COL20A1: variants seen among roughly 807,000 people sequenced by gnomAD.
COL20A1 encodes collagen alpha-1(XX) chain.
A neutral mutation model predicts 152.9 loss-of-function variants in COL20A1; 164 were observed. That is an observed-to-expected ratio of 1.07 (90% confidence interval 0.94 to 1.22). The LOEUF (loss-of-function observed/expected upper bound fraction) is 1.22. Ranked by LOEUF, COL20A1 falls within the 50% of genes most tolerant of loss-of-function variation. The pLI is 0.00. For missense variants in COL20A1, 1,873 were observed against 1,744.8 expected (o/e 1.07, Z -1.31); for synonymous variants, 864 against 756.0 (o/e 1.14, Z -2.34).
In COL20A1 at chr20:63,315,452, T is replaced by C; in HGVS notation, c.2524+13T>C. ...GGCTCCCTCCCAGGTGGGTCCTGCA[T>C]GCCCTCCCCTGCCTGCCCACCCACA... On this transcript the variant is annotated intron_variant, in intron 20 of 35. Coordinates refer to ENST00000358894, the MANE Select transcript of COL20A1 (RefSeq NM_020882.4). 1 of 1,561,716 alleles carries C rather than the reference T, an allele frequency of 6.4e-7. No homozygotes were observed. Among genetic ancestry groups the C allele is most frequent in the Non-Finnish European group, 8.6e-7 (1 of 1,158,102 alleles).
At chr20:63,317,459 G>T (rs1017091881) in intron 21 of COL20A1, among the ~76,000 whole-genome samples, 10 of 131,098 alleles carry the variant, frequency 7.6e-5, no homozygotes, top group Admixed American at 3.4e-4. Context: ...GCAATACTCC[G>T]TCCCTTAAAA....
At chr20:63,330,375 G>C (rs571357691) in intron 35 of COL20A1, among the ~76,000 whole-genome samples, 1 of 152,280 alleles carries the variant, frequency 6.6e-6, no homozygotes, top group Admixed American at 6.5e-5. Flanking sequence ...GGCTAGGAGG[G>C]CTGAGGAGCA....
chr20:63,325,260 T>C (rs896497761), intron 27 of COL20A1, 181 bp from the exon 28 acceptor site: 2 of 708,576 alleles, frequency 2.8e-6, no homozygotes, highest in Admixed American at 4.0e-5. Context: ...CCGCTGCCTG[T>C]GTCTCCAGGG....
At position 63,307,581 on chromosome 20, in the gene COL20A1, G is replaced by A; in HGVS notation, c.588G>A (p.Gln196=). ...GGAGCATTGGCCACAGTCACTTCCA[G>A]CAGGTCAAGGACTTCCTGGCCAGTG... The part of the protein sequence containing the change: ...GSWSIGHSHF[Q]QVKDFLASVI... The change falls in exon 6 of 36, where the codon CAG becomes CAA. Residue 196 remains glutamine (Q), a synonymous_variant. Transcript: ENST00000358894. 6.2e-7 allele frequency: 1 copy of A among 1,612,714 alleles called. No homozygotes were observed. Among genetic ancestry groups the A allele is most frequent in the African/African-American group, 1.3e-5 (1 of 75,054 alleles).
chr20:63,294,304 C>T (rs933962357), intron 1 of COL20A1, among the ~76,000 whole-genome samples: 1 of 151,240 alleles, frequency 6.6e-6, no homozygotes, highest in African/African-American at 2.4e-5. Flanking sequence ...GGCCTGGCAG[C>T]TGACATGCTC....
intron 3 of COL20A1, 122 bp downstream of exon 3, chr20:63,298,142 A>C: frequency 1.6e-6 from 1 of 640,396 alleles, no homozygotes; most frequent in East Asian, 2.7e-5. Flanking sequence ...TAGTGTCAGC[A>C]CCTCTCTGGC....
rs1269341618 is a variant in COL20A1 at position 63,331,112 on chromosome 20, TCAA to T, written c.*402_*404del. 6.6e-6 allele frequency: 1 copy of T among 152,216 alleles called. No homozygotes were observed. The highest frequency in any genetic ancestry group is 1.5e-5 in the Non-Finnish European group (1 of 68,092). The allele number at this position is 152,216 out of a possible 1,614,324, so 9.4% of individuals were successfully genotyped here. A position where few individuals can be genotyped will look rare whatever the true frequency, so the allele number is the denominator to read the frequency against. The stretch of plus-strand genomic sequence containing the variant: ...CCGTCTCAGTAGCTCTAAAACAGGC[TCAA>T]CAACATGCCCCGCCCCTTTCTCTGG... On this transcript the variant is annotated 3_prime_UTR_variant, in exon 36 of 36. Transcript: ENST00000358894.
chr20:63,309,349 T>G lies in COL20A1; in HGVS notation c.957T>G (p.Asp319Glu). The change falls in exon 9 of 36, where the codon GAT (aspartate) becomes GAG (glutamate). Residue 319 changes from aspartate (D) to glutamate (E), a missense_variant. Asp to Glu is a conservative substitution (Grantham distance 45). Coordinates refer to ENST00000358894, the MANE Select transcript of COL20A1 (RefSeq NM_020882.4). ...CACGAGCAGGTGTGAAGAACGCCGA[T>G]GAGGCTGAGCTGAGGCTCCTGGCGT... ...NVFAVGVKNADEAELRLLASP... is the reference protein window; with the variant it reads ...NVFAVGVKNAEEAELRLLASP... The G allele has an allele frequency of 6.7e-7, 1 of 1,503,364 alleles. No homozygotes were observed. Among genetic ancestry groups the G allele is most frequent in the Non-Finnish European group, 8.9e-7 (1 of 1,119,372 alleles). 93.1% of individuals were successfully genotyped at this position (1,503,364 alleles called of 1,614,324 possible).
At chr20:63,301,190 C>G (rs2067859206) in intron 3 of COL20A1, among the ~76,000 whole-genome samples, 1 of 152,190 alleles carries the variant, frequency 6.6e-6, no homozygotes, top group African/African-American at 2.4e-5. Flanking sequence ...TGGCACACAC[C>G]TGTAATCCCA....
At chr20:63,296,242 G>T (rs375256588) in intron 2 of COL20A1, among the ~76,000 whole-genome samples, 1 of 152,294 alleles carries the variant, frequency 6.6e-6, no homozygotes, top group South Asian at 2.1e-4. Context: ...CTGCCCTGGG[G>T]CCAGTGGGGG....
chr20:63,310,309 C>T (rs949013909), intron 10 of COL20A1, 72 bp from the exon 11 acceptor site: 22 of 1,540,282 alleles, frequency 1.4e-5, no homozygotes, highest in African/African-American at 2.7e-5. Context: ...CTCCAGCTGA[C>T]GGAGTTCCTG....
chr20:63,308,425 C>T (rs755757753), intron 7 of COL20A1, 117 bp from the exon 8 acceptor site: 1 of 1,039,218 alleles, frequency 9.6e-7, no homozygotes, highest in Non-Finnish European at 1.4e-6. Flanking sequence ...TGCTGCGGGG[C>T]CTCCTGATAC....
intron 9 of COL20A1, 36 bp downstream of exon 9, chr20:63,309,533 C>T (rs112566980): frequency 2.7e-6 from 4 of 1,459,458 alleles, no homozygotes; most frequent in South Asian, 1.4e-5. Context: ...GCTGCAGCCC[C>T]CCCGGCTGCT....
In COL20A1 at chr20:63,305,886, G is replaced by A; in HGVS notation, c.343G>A (p.Asp115Asn). The A allele has an allele frequency of 2.5e-6, 4 of 1,613,094 alleles. No homozygotes were observed. The highest frequency in any genetic ancestry group is 3.4e-6 in the Non-Finnish European group (4 of 1,179,820). The change falls in exon 5 of 36, where the codon GAT (aspartate) becomes AAT (asparagine). Residue 115 changes from aspartate (D) to asparagine (N), a missense_variant. By Grantham distance (23) the Asp-to-Asn change is conservative. Coordinates refer to ENST00000358894, the MANE Select transcript of COL20A1 (RefSeq NM_020882.4). The surrounding 1 kb of genome is among the most constrained non-coding windows in gnomAD (Gnocchi z 4.9). ...LLARREFVIE[D>N]LKSSSLDRSS... is the part of the protein sequence containing the mutation. ...CTCTTTGTGTCTCCCTGCAGTTGAG[G>A]ATCTGAAGAGTAGCTCCCTGGACAG... is the stretch of plus-strand genomic sequence containing the variant.
chr20:63,328,796 A>ACCTCCCATCCTT (rs2068292382), intron 34 of COL20A1, among the ~76,000 whole-genome samples: 1 of 151,426 alleles, frequency 6.6e-6, no homozygotes, highest in African/African-American at 2.4e-5. Flanking sequence ...AGCCCAGCCT[A>ACCTCCCATCCTT]CCTCCCATCC....
Position 63,319,305 on chromosome 20 carries a change from C to T in COL20A1, c.2806+105C>T, listed in dbSNP as rs531065264. The T allele has an allele frequency of 2.4e-6, 3 of 1,273,494 alleles. No homozygotes were observed. Among genetic ancestry groups the T allele is most frequent in the African/African-American group, 3.0e-5 (2 of 67,154 alleles). 78.9% of individuals were successfully genotyped at this position (1,273,494 alleles called of 1,614,324 possible). ...AGGAAGTCCAGCCTCCAGGCCAGGC[C>T]CTCAGCACCCTCTGGGTGGGAGGCA... On this transcript the variant is annotated intron_variant, in intron 22 of 35. Transcript: ENST00000358894. The surrounding 1 kb of genome is among the most constrained non-coding windows in gnomAD (Gnocchi z 4.4).
intron 21 of COL20A1, among the ~76,000 whole-genome samples, chr20:63,316,997 G>C (rs976428176): frequency 2.0e-5 from 3 of 151,748 alleles, no homozygotes; most frequent in African/African-American, 7.3e-5. Context: ...GCCCCAGACT[G>C]ACCTGAGGCG....
chr20:63,321,150 A>G (rs1354492707), intron 26 of COL20A1, 51 bp downstream of exon 26: 2 of 1,252,438 alleles, frequency 1.6e-6, no homozygotes, highest in Non-Finnish European at 2.3e-6. Flanking sequence ...TGGCCAATGT[A>G]TTGCTGCCAC....
intron 31 of COL20A1, 143 bp downstream of exon 31, chr20:63,326,966 A>G: frequency 1.8e-6 from 1 of 549,972 alleles, no homozygotes. Context: ...TTGACAGCCC[A>G]CAGACTTCCT....
Sources: allele counts gnomAD v4.1 joint callset (sites outside exome capture counted in the v4.1 genomes callset), GRCh38; gene constraint gnomAD v4.1.1; non-coding constraint Gnocchi (gnomAD v3.1); transcripts MANE v1.5; gene names NCBI Gene and HGNC (gene_info 2026-07-23, HGNC 2026-07-21).